The following GRM5 variants were observed in gnomAD, a reference collection of about 807,000 sequenced individuals.
GRM5 encodes metabotropic glutamate receptor 5.
In GRM5, 19 loss-of-function variants were observed where a neutral mutation model predicts 83.1. The observed-to-expected ratio is 0.23, with a 90% confidence interval of 0.16 to 0.34. The LOEUF (loss-of-function observed/expected upper bound fraction) is 0.34, where lower values mean the gene tolerates loss of function less well. GRM5 is among the 10% of genes least tolerant of loss of function. The pLI is 1.00. For missense variants in GRM5, 1,160 were observed against 1,588.3 expected, an observed-to-expected ratio of 0.73 and a Z score of 4.58; for synonymous variants, 675 against 633.6, an observed-to-expected ratio of 1.07 and a Z score of -0.98.
At chr11:89,026,980 C>T (rs1941142308) in intron 2 of GRM5, among the ~76,000 whole-genome samples, 1 of 152,168 alleles carries the variant, frequency 6.6e-6, no homozygotes, top group Admixed American at 6.5e-5. Flanking sequence ...GGGCTTCATC[C>T]CATCTTCTCA....
At chr11:88,879,392 A>T (rs1322783140) in intron 2 of GRM5, among the ~76,000 whole-genome samples, 3 of 151,724 alleles carry the variant, frequency 2.0e-5, no homozygotes, top group African/African-American at 7.2e-5. Context: ...TTAAATAGAG[A>T]TACCATAAAA....
intron 1 of GRM5, among the ~76,000 whole-genome samples, chr11:89,059,391 T>C (rs553258622): frequency 2.0e-5 from 3 of 152,306 alleles, no homozygotes; most frequent in Admixed American, 6.5e-5. Flanking sequence ...CTTGAATATA[T>C]GAGAAAAGTA....
intron 2 of GRM5, among the ~76,000 whole-genome samples, chr11:88,857,133 T>C (rs1168186892): frequency 6.6e-6 from 1 of 152,044 alleles, no homozygotes; most frequent in Non-Finnish European, 1.5e-5. Flanking sequence ...AAATTTGAAA[T>C]ATTGGTCAAA....
At chr11:88,778,045 T>A (rs781752208) in intron 3 of GRM5, among the ~76,000 whole-genome samples, 1 of 127,822 alleles carries the variant, frequency 7.8e-6, no homozygotes, top group South Asian at 2.6e-4. Context: ...TTTGTTCAGC[T>A]ATGCCCTGCC....
intron 3 of GRM5, among the ~76,000 whole-genome samples, chr11:88,735,592 C>T (rs954092729): frequency 1.3e-5 from 2 of 152,056 alleles, no homozygotes; most frequent in African/African-American, 4.8e-5. Flanking sequence ...GGGTCTGCTG[C>T]CTTCACGCCT....
chr11:88,882,635 A>T (rs1944979426), intron 2 of GRM5, among the ~76,000 whole-genome samples: 2 of 152,104 alleles, frequency 1.3e-5, no homozygotes, highest in South Asian at 4.1e-4. Flanking sequence ...TGGAGACTAC[A>T]ATTTATTTAT....
Position 88,748,148 on chromosome 11 carries a change from A to C in GRM5, c.912-94745T>G, listed in dbSNP as rs144523565. On this transcript the variant is annotated intron_variant, in intron 3 of 9. Coordinates refer to ENST00000305447, the MANE Select transcript of GRM5 (RefSeq NM_001143831.3). ...GGATCTTTGCAACCCATGGATCAAA[A>C]TATCCCCTATGAGGTGATCCCCACC... 3.2e-3 allele frequency among the ~76,000 whole-genome samples: 491 copies of C among 152,244 alleles called. 1 individual carries two copies. The highest frequency in any genetic ancestry group is 0.011 in the African/African-American group (468 of 41,548).
intron 3 of GRM5, among the ~76,000 whole-genome samples, chr11:88,683,747 A>G (rs947198884): frequency 6.6e-6 from 1 of 152,242 alleles, no homozygotes; most frequent in Non-Finnish European, 1.5e-5. Flanking sequence ...AAAATATTTG[A>G]TAAGTGCTAA....
intron 2 of GRM5, among the ~76,000 whole-genome samples, chr11:88,939,036 A>AT: frequency 6.6e-6 from 1 of 151,686 alleles, no homozygotes; most frequent in South Asian, 2.1e-4. Context: ...CAATTGCTCT[A>AT]TTTTTTATCT....
At chr11:88,839,735 A>G (rs11021545) in intron 3 of GRM5, among the ~76,000 whole-genome samples, 1 of 152,204 alleles carries the variant, frequency 6.6e-6, no homozygotes, top group South Asian at 2.1e-4. Context: ...CATGTTACAC[A>G]GTCAAATATC....
At chr11:88,623,295 AATTTTTTGT>A (rs1342201701) in intron 4 of GRM5, among the ~76,000 whole-genome samples, 1 of 150,668 alleles carries the variant, frequency 6.6e-6, no homozygotes, top group African/African-American at 2.5e-5. Context: ...TGTATTTTGT[AATTTTTTGT>A]ATTTTTTGTA....
At chr11:88,925,813 G>A (rs1422872299) in intron 2 of GRM5, 4 of 448,350 alleles carry the variant, frequency 8.9e-6, no homozygotes, top group South Asian at 3.1e-5. Context: ...GGAGGCTGAG[G>A]CATGAGAATA....
intron 3 of GRM5, among the ~76,000 whole-genome samples, chr11:88,843,475 G>A (rs1190775493): frequency 2.0e-5 from 3 of 152,094 alleles, no homozygotes; most frequent in Non-Finnish European, 2.9e-5. Flanking sequence ...ATATAAGACC[G>A]TAATGAGGGT....
chr11:88,960,177 C>T (rs1938739860), intron 2 of GRM5, among the ~76,000 whole-genome samples: 1 of 152,132 alleles, frequency 6.6e-6, no homozygotes, highest in Non-Finnish European at 1.5e-5. Context: ...AAGTGAAAGG[C>T]ATGCAGTCAG....
At chr11:88,782,683 T>TAAAGC (rs1354792852) in intron 3 of GRM5, among the ~76,000 whole-genome samples, 8 of 152,164 alleles carry the variant, frequency 5.3e-5, no homozygotes, top group Non-Finnish European at 1.2e-4. Context: ...TCTCTGTTCT[T>TAAAGC]TGAAAATTGG....
intron 4 of GRM5, among the ~76,000 whole-genome samples, chr11:88,626,122 T>C (rs1938790112): frequency 6.6e-6 from 1 of 152,192 alleles, no homozygotes; most frequent in South Asian, 2.1e-4. Flanking sequence ...CTTTACAATT[T>C]ACACCAAATA....
At chr11:88,815,591 C>T (rs1354113583) in intron 3 of GRM5, among the ~76,000 whole-genome samples, 2 of 152,172 alleles carry the variant, frequency 1.3e-5, no homozygotes, top group East Asian at 3.8e-4. Context: ...GTCAGAGTCT[C>T]AGGCTGATTT....
At chr11:88,546,729 G>T (rs1942393275) in intron 8 of GRM5, among the ~76,000 whole-genome samples, 1 of 152,070 alleles carries the variant, frequency 6.6e-6, no homozygotes, top group African/African-American at 2.4e-5. Context: ...ATGCTAATGA[G>T]ATTCATGTAA....
chr11:88,664,108 G>A (rs990607155), intron 3 of GRM5, among the ~76,000 whole-genome samples: 1 of 152,054 alleles, frequency 6.6e-6, no homozygotes, highest in Non-Finnish European at 1.5e-5. Context: ...GAGGAATAAA[G>A]AGAAGAAAAA....
Sources: gnomAD v4.1 joint callset for allele counts (sites outside exome capture counted in the v4.1 genomes callset) on GRCh38, gnomAD v4.1.1 for gene constraint, MANE v1.5 for transcripts, NCBI Gene and HGNC (gene_info 2026-07-23, HGNC 2026-07-21) for gene names.